The following FAM98B variants were observed in gnomAD, a reference collection of about 807,000 sequenced individuals.
The protein encoded by FAM98B is tRNA-splicing ligase complex subunit FAM98B.
In FAM98B, 32 loss-of-function variants were observed where a neutral mutation model predicts 43.9. That is an observed-to-expected ratio of 0.73 (90% confidence interval 0.55 to 0.98). The LOEUF (loss-of-function observed/expected upper bound fraction) is 0.98. FAM98B is among the 50% of genes least tolerant of loss of function. FAM98B has a pLI of 0.00. For missense variants in FAM98B, 514 were observed against 522.9 expected, an observed-to-expected ratio of 0.98 and a Z score of 0.17; for synonymous variants, 190 against 174.0, an observed-to-expected ratio of 1.09 and a Z score of -0.72.
chr15:38,463,467 G>A (rs966800727), intron 1 of FAM98B, among the ~76,000 whole-genome samples: 4 of 147,894 alleles, frequency 2.7e-5, no homozygotes, highest in Non-Finnish European at 4.5e-5. Context: ...CTCCTGCCAG[G>A]GTGACAGAGT....
intron 6 of FAM98B, among the ~76,000 whole-genome samples, chr15:38,477,975 A>G (rs1230577947): frequency 1.3e-5 from 2 of 152,246 alleles, no homozygotes; most frequent in African/African-American, 4.8e-5. Context: ...GGTTTTATCT[A>G]TGTTGGGTCT....
Position 38,484,464 on chromosome 15 carries a change from TGGGGGAGGGGGAGGA to T in FAM98B, c.1111_1125del (p.Gly371_Gly375del). Reference sequence around the variant, plus strand: ...GTGGAGGAGGAGGTTGGGGAGGTGGTGGGGGAGGGGGAGGAGGGTGGGGGGGAGGAGGAGGAGGTG... The same window carrying T: ...GTGGAGGAGGAGGTTGGGGAGGTGGTGGGTGGGGGGGAGGAGGAGGAGGTG... On this transcript the variant is annotated inframe_deletion, in exon 8 of 8. Transcript: ENST00000397609. 1 of 239,352 alleles carries T rather than the reference TGGGGGAGGGGGAGGA, an allele frequency of 4.2e-6. No homozygotes were observed. Among genetic ancestry groups the T allele is most frequent in the Non-Finnish European group, 4.8e-6 (1 of 208,812 alleles). 14.8% of individuals were successfully genotyped at this position (239,352 alleles called of 1,614,324 possible). A position where few individuals can be genotyped will look rare whatever the true frequency, so the allele number is the denominator to read the frequency against.
rs575572610 is a variant in FAM98B, at chr15:38,454,758, T to C, written c.71+526T>C. ...TTTCGTCCGTTCGTCAACGTGTATA[T>C]TAGCTTGTATATTAATTTACACATA... On this transcript the variant is annotated intron_variant, in intron 1 of 7. Coordinates refer to ENST00000397609, the MANE Select transcript of FAM98B (RefSeq NM_173611.4). Among the ~76,000 whole-genome samples, 6 of 152,310 alleles carry C rather than the reference T, an allele frequency of 3.9e-5. No homozygotes were observed. The South Asian group carries it at 1.0e-3, about 26-fold the overall frequency.
At chr15:38,454,494 C>T (rs1244187985) in intron 1 of FAM98B, among the ~76,000 whole-genome samples, 1 of 152,234 alleles carries the variant, frequency 6.6e-6, no homozygotes, top group African/African-American at 2.4e-5. Context: ...AGGAATCCGC[C>T]GGGTGGCGCG....
At chr15:38,467,974 C>G (rs968580682) in intron 3 of FAM98B, among the ~76,000 whole-genome samples, 2 of 152,134 alleles carry the variant, frequency 1.3e-5, no homozygotes, top group African/African-American at 4.8e-5. Flanking sequence ...AATACATACA[C>G]ACACACATGC....
intron 6 of FAM98B, among the ~76,000 whole-genome samples, chr15:38,478,941 T>G (rs1312568206): frequency 6.6e-6 from 1 of 152,166 alleles, no homozygotes; most frequent in Non-Finnish European, 1.5e-5. Context: ...TTTTTTGAGA[T>G]ATAATTAACA....
In FAM98B at chr15:38,484,626, T is replaced by TGGTGGTGGA; in HGVS notation, c.1272_1280dup (p.Gly427_Gly429dup). On this transcript the variant is annotated inframe_insertion, in exon 8 of 8. Coordinates refer to ENST00000397609, the MANE Select transcript of FAM98B (RefSeq NM_173611.4). ...GAGGAGGTGGTGGTGGTGGTGGTGGTGGTGGTGGAGGAGGTGGATATAGAA... is the reference window on the plus strand; with the variant it reads ...GAGGAGGTGGTGGTGGTGGTGGTGGTGGTGGTGGAGGTGGTGGAGGAGGTGGATATAGAA... The TGGTGGTGGA allele has an allele frequency of 9.3e-7, 1 of 1,072,180 alleles. No homozygotes were observed. The highest frequency in any genetic ancestry group is 1.3e-6 in the Non-Finnish European group (1 of 774,704). The allele number at this position is 1,072,180 out of a possible 1,614,324, so 66.4% of individuals were successfully genotyped here.
chr15:38,482,802 A>G (rs1033144284), intron 7 of FAM98B: 4 of 152,182 alleles, frequency 2.6e-5, no homozygotes, highest in Non-Finnish European at 5.9e-5. Context: ...TCTTATTGCT[A>G]TCTTTCCTCT....
At chr15:38,459,003 G>T in intron 1 of FAM98B, 1 of 358,670 alleles carries the variant, frequency 2.8e-6, no homozygotes. Flanking sequence ...CATGGAATAG[G>T]TGAGCCCGGA....
intron 1 of FAM98B, among the ~76,000 whole-genome samples, chr15:38,457,031 C>T (rs1016985608): frequency 6.6e-6 from 1 of 152,152 alleles, no homozygotes; most frequent in African/African-American, 2.4e-5. Context: ...TTGAAAGTTA[C>T]ATCTGTCAGC....
Position 38,487,180 on chromosome 15 carries a change from C to T in FAM98B, c.*2521C>T, listed in dbSNP as rs1462855369. 6.6e-6 allele frequency: 1 copy of T among 152,120 alleles called. No individual in the cohort carries two copies. The highest frequency in any genetic ancestry group is 2.4e-5 in the African/African-American group (1 of 41,454). 9.4% of individuals were successfully genotyped at this position (152,120 alleles called of 1,614,324 possible). A position where few individuals can be genotyped will look rare whatever the true frequency, so the allele number is the denominator to read the frequency against. On this transcript the variant is annotated 3_prime_UTR_variant, in exon 8 of 8. Transcript: ENST00000397609. ...CACCACACTATTACTCATAAGCACA[C>T]ATCAAAAGGGAAACAAGGGTTTTCT...
Position 38,469,587 on chromosome 15 carries a change from G to A in FAM98B, c.353-640G>A, listed in dbSNP as rs151309838. On this transcript the variant is annotated intron_variant, in intron 3 of 7. Transcript: ENST00000397609. ...ACTTGGCATCCCCATTGTTCACACC[G>A]TTCCTGGCTCAGAACAGGTCCTTGG... Among the ~76,000 whole-genome samples, 604 of 152,206 alleles carry A rather than the reference G, an allele frequency of 4.0e-3. 3 individuals carry two copies. The highest frequency in any genetic ancestry group is 0.013 in the African/African-American group (549 of 41,504).
chr15:38,472,951 A>G (rs1232154100), intron 4 of FAM98B, among the ~76,000 whole-genome samples: 3 of 152,200 alleles, frequency 2.0e-5, no homozygotes, highest in African/African-American at 7.2e-5. Context: ...TATCTTGTTT[A>G]TCAAAATAAA....
At chr15:38,478,034 T>C (rs1890230611) in intron 6 of FAM98B, among the ~76,000 whole-genome samples, 1 of 152,242 alleles carries the variant, frequency 6.6e-6, no homozygotes, top group African/African-American at 2.4e-5. Context: ...CGTAGGAATA[T>C]TAGGCAAATT....
intron 5 of FAM98B, 45 bp from the exon 6 acceptor site, chr15:38,474,137 A>G (rs1425833084): frequency 2.2e-6 from 3 of 1,389,232 alleles, no homozygotes; most frequent in African/African-American, 1.4e-5. Flanking sequence ...TCTTTGCAGA[A>G]TGAAAGAATC....
chr15:38,478,993 G>A (rs1890245736), intron 6 of FAM98B, among the ~76,000 whole-genome samples: 1 of 151,852 alleles, frequency 6.6e-6, no homozygotes, highest in South Asian at 2.1e-4. Flanking sequence ...TTGTAGTCTT[G>A]TTGTTGCCCA....
intron 6 of FAM98B, 49 bp downstream of exon 6, chr15:38,474,347 C>A: frequency 7.9e-7 from 1 of 1,267,608 alleles, no homozygotes; most frequent in Non-Finnish European, 1.1e-6. Context: ...CCTATAACAG[C>A]TCTTCTGGCT....
chr15:38,470,569 C>T (rs986685227), intron 4 of FAM98B, 164 bp downstream of exon 4: 9 of 532,622 alleles, frequency 1.7e-5, no homozygotes, highest in African/African-American at 1.6e-4. Flanking sequence ...AGGCATGTGA[C>T]CTAATCTGTC....
chr15:38,481,336 T>A lies in FAM98B; in HGVS notation c.774T>A (p.Tyr258Ter). The A allele has an allele frequency of 6.2e-7, 1 of 1,614,200 alleles. No homozygotes were observed. The highest frequency in any genetic ancestry group is 8.5e-7 in the Non-Finnish European group (1 of 1,180,020). The change falls in exon 7 of 8, where the codon TAT (tyrosine) becomes TAA (stop). Residue 258 changes from tyrosine (Y) to a stop codon, truncating the protein, a stop_gained. Transcript: ENST00000397609. LOFTEE classifies it high-confidence loss of function. ...DIARIYQPKR[Y>*]ALSPKTTITM... ...CAAGAATTTATCAGCCTAAGCGTTA[T>A]GCTTTGTCACCCAAGACAACGATTA...
Sources: allele counts gnomAD v4.1 joint callset (sites outside exome capture counted in the v4.1 genomes callset), GRCh38; gene constraint gnomAD v4.1.1; transcripts MANE v1.5; gene names NCBI Gene and HGNC (gene_info 2026-07-23, HGNC 2026-07-21).